The following FGD5 variants were observed in gnomAD, a reference collection of about 807,000 sequenced individuals.
The protein encoded by FGD5 is FYVE, RhoGEF and PH domain containing 5.
FGD5 carries 28 observed loss-of-function variants against 133.4 expected under a neutral mutation model. The observed-to-expected ratio is 0.21, with a 90% CI of 0.16 to 0.29. The LOEUF (loss-of-function observed/expected upper bound fraction) is 0.29. Ranked by LOEUF, FGD5 falls within the 10% of genes least tolerant of loss-of-function variation. The pLI, the probability that FGD5 is intolerant of heterozygous loss-of-function variation, is 1.00. For missense variants in FGD5, 1,858 were observed against 1,895.2 expected (o/e 0.98, Z 0.36); for synonymous variants, 810 against 776.5 (o/e 1.04, Z -0.72).
At chr3:14,911,944 C>G (rs1241116637) in intron 11 of FGD5, among the ~76,000 whole-genome samples, 2 of 151,448 alleles carry the variant, frequency 1.3e-5, no homozygotes, top group Non-Finnish European at 2.9e-5. Flanking sequence ...CGAGTTCAGC[C>G]CTGGAGGAAG....
chr3:14,866,080 G>C (rs958726759), intron 2 of FGD5, among the ~76,000 whole-genome samples: 1 of 150,342 alleles, frequency 6.7e-6, no homozygotes, highest in African/African-American at 2.4e-5. Context: ...GCACAACTCT[G>C]TACCTCAGAG....
upstream of FGD5, chr3:14,810,836 G>C: frequency 1.0e-6 from 1 of 984,938 alleles, no homozygotes; most frequent in Non-Finnish European, 1.2e-6. Flanking sequence ...CGGCGGCCCG[G>C]GCCCCGCGCG....
chr3:14,826,088 T>G (rs533997494), intron 1 of FGD5, among the ~76,000 whole-genome samples: 1 of 152,302 alleles, frequency 6.6e-6, no homozygotes, highest in African/African-American at 2.4e-5. Flanking sequence ...ATGATAGCAG[T>G]CAGCATTATA....
At chr3:14,864,570 T>C (rs536345918) in intron 2 of FGD5, among the ~76,000 whole-genome samples, 3 of 152,226 alleles carry the variant, frequency 2.0e-5, no homozygotes, top group Non-Finnish European at 4.4e-5. Flanking sequence ...CCAGCCTAGC[T>C]TCTAATGACC....
chr3:14,819,105 A>T lies in FGD5; in HGVS notation c.34A>T (p.Lys12Ter), dbSNP rs1336706133. 1 of 1,550,224 alleles carries T rather than the reference A, an allele frequency of 6.5e-7. No homozygotes were observed. Among genetic ancestry groups the T allele is most frequent in the Admixed American group, 2.0e-5 (1 of 50,960 alleles). ...GGGTCCGAAGCCCCCCATTGCCCCC[A>T]AGCCCAGGCTGACTGCCCCAAACGA... ...FRGPKPPIAP[K>*]PRLTAPNEWR... Residue 12 changes from lysine (K) to a stop codon, truncating the protein, a stop_gained, in exon 1 of 20, where the codon AAG becomes TAG. Transcript: ENST00000285046. LOFTEE classifies it high-confidence loss of function. This position sits in a 1 kb window ranked among gnomAD's most constrained non-coding sequence, Gnocchi z 4.1.
intron 11 of FGD5, among the ~76,000 whole-genome samples, chr3:14,912,468 C>T (rs1336683046): frequency 2.0e-5 from 3 of 152,146 alleles, no homozygotes; most frequent in Admixed American, 6.5e-5. Flanking sequence ...CCAAGCAGTG[C>T]GTGGTTTAGA....
At chr3:14,814,775 G>A (rs1432345252), upstream of FGD5, among the ~76,000 whole-genome samples, 2 of 152,130 alleles carry the variant, frequency 1.3e-5, no homozygotes, top group Admixed American at 6.5e-5. Flanking sequence ...AGTTTGACCC[G>A]TGCAAACTGA....
chr3:14,893,229 A>G (rs1306635145), intron 4 of FGD5, among the ~76,000 whole-genome samples: 1 of 152,226 alleles, frequency 6.6e-6, no homozygotes, highest in Non-Finnish European at 1.5e-5. Context: ...TGATCATTTA[A>G]TATGTTTATA....
rs1380202760 is a variant in FGD5 at position 14,921,912 on chromosome 3, C to T, written c.3570-6C>T. 38 of 1,560,206 alleles carry T rather than the reference C, an allele frequency of 2.4e-5. No homozygotes were observed. The highest frequency in any genetic ancestry group is 3.0e-5 in the Non-Finnish European group (34 of 1,151,992). On this transcript the variant is annotated splice_region_variant and splice_polypyrimidine_tract_variant and intron_variant, in intron 13 of 19. Coordinates refer to ENST00000285046, the MANE Select transcript of FGD5 (RefSeq NM_152536.4). Reference sequence around the variant, plus strand: ...TGCCTTTGCTCACTCCAGCCCATGCCCGCAGCTCCTGTGCAGAGAGGGACG... The same window carrying T: ...TGCCTTTGCTCACTCCAGCCCATGCTCGCAGCTCCTGTGCAGAGAGGGACG...
At chr3:14,840,738 A>C (rs2036905530) in intron 1 of FGD5, among the ~76,000 whole-genome samples, 2 of 152,196 alleles carry the variant, frequency 1.3e-5, no homozygotes, top group Admixed American at 1.3e-4. Context: ...GTAAAAACAA[A>C]AACCAACCAA....
intron 1 of FGD5, among the ~76,000 whole-genome samples, chr3:14,830,385 G>A (rs1246360603): frequency 2.6e-5 from 4 of 152,080 alleles, no homozygotes; most frequent in African/African-American, 9.7e-5. Flanking sequence ...AAATTTACAG[G>A]GAAGGACCCT....
At position 14,827,655 on chromosome 3, in the gene FGD5, G is replaced by A. The variant is rs577805292; in HGVS notation, c.2525+6059G>A. ...TTTTCTGCTGGCTGGTGGGTTTGTCGCTCTGTTGGCAACTCATCAATAAGA... is the reference window on the plus strand; with the variant it reads ...TTTTCTGCTGGCTGGTGGGTTTGTCACTCTGTTGGCAACTCATCAATAAGA... On this transcript the variant is annotated intron_variant, in intron 1 of 19. Coordinates refer to ENST00000285046, the MANE Select transcript of FGD5 (RefSeq NM_152536.4). Among the ~76,000 whole-genome samples the A allele has an allele frequency of 2.6e-5, 4 of 152,188 alleles. No homozygotes were observed. The East Asian group carries it at 7.7e-4, about 29-fold the overall frequency.
At chr3:14,858,355 G>GTGGGTGGATGGA (rs57012067) in intron 1 of FGD5, among the ~76,000 whole-genome samples, 2,954 of 130,476 alleles carry the variant, frequency 0.023, 43 homozygotes, top group Non-Finnish European at 0.028. Flanking sequence ...GGGTGGGTGG[G>GTGGGTGGATGGA]TGGATGGATG....
At chr3:14,846,707 G>A (rs1171320666) in intron 1 of FGD5, among the ~76,000 whole-genome samples, 1 of 152,222 alleles carries the variant, frequency 6.6e-6, no homozygotes, top group Non-Finnish European at 1.5e-5. Flanking sequence ...TCCCAACCGT[G>A]GGACCAGAGA....
chr3:14,894,206 T>C (rs766677047), intron 4 of FGD5, among the ~76,000 whole-genome samples: 3 of 152,248 alleles, frequency 2.0e-5, no homozygotes, highest in South Asian at 2.1e-4. Flanking sequence ...GAACATGCGA[T>C]ATTTGTCTTT....
intron 1 of FGD5, among the ~76,000 whole-genome samples, chr3:14,828,856 C>G (rs141129623): frequency 7.6e-6 from 1 of 131,052 alleles, no homozygotes; most frequent in Admixed American, 8.8e-5. Context: ...GAGCCTCATT[C>G]TGTTGCCTGT....
At chr3:14,849,967 C>T (rs928039319) in intron 1 of FGD5, among the ~76,000 whole-genome samples, 1 of 152,194 alleles carries the variant, frequency 6.6e-6, no homozygotes, top group African/African-American at 2.4e-5. Context: ...ATTCAGACCA[C>T]CACACTTGGA....
At chr3:14,855,894 G>T (rs2037268280) in intron 1 of FGD5, among the ~76,000 whole-genome samples, 1 of 151,990 alleles carries the variant, frequency 6.6e-6, no homozygotes, top group Non-Finnish European at 1.5e-5. Flanking sequence ...AATCCCATTT[G>T]TTTATTTTTA....
At chr3:14,844,217 A>AAAAAT (rs1559477363) in intron 1 of FGD5, among the ~76,000 whole-genome samples, 4 of 20,372 alleles carry the variant, frequency 2.0e-4, no homozygotes, top group African/African-American at 4.1e-4. Flanking sequence ...AAAAAAAAAA[A>AAAAAT]ATATATATAT....
Sources: allele counts gnomAD v4.1 joint callset (sites outside exome capture counted in the v4.1 genomes callset), GRCh38; gene constraint gnomAD v4.1.1; non-coding constraint Gnocchi (gnomAD v3.1); transcripts MANE v1.5; gene names NCBI Gene and HGNC (gene_info 2026-07-23, HGNC 2026-07-21).